Variants in TNRC6B observed in about 807,000 individuals in gnomAD.
The protein encoded by TNRC6B is trinucleotide repeat containing adaptor 6B.
TNRC6B carries 52 observed loss-of-function variants against 203.6 expected under a neutral mutation model. That is an observed-to-expected ratio of 0.26 (90% CI 0.20 to 0.32). The LOEUF is 0.32. Ranked by LOEUF, TNRC6B falls within the 10% of genes least tolerant of loss-of-function variation. The pLI is 1.00. For missense variants in TNRC6B, 1,923 were observed against 2,286.2 expected, an observed-to-expected ratio of 0.84 and a Z score of 3.24; for synonymous variants, 838 against 845.7, an observed-to-expected ratio of 0.99 and a Z score of 0.16.
chr22:40,231,980 G>A (rs1187855754), intron 1 of TNRC6B, among the ~76,000 whole-genome samples: 4 of 152,196 alleles, frequency 2.6e-5, no homozygotes, highest in Non-Finnish European at 5.9e-5. Context: ...ACCCTACAGG[G>A]AATGGGATTC....
chr22:40,279,029 C>T (rs2070690310), intron 9 of TNRC6B, among the ~76,000 whole-genome samples: 1 of 152,372 alleles, frequency 6.6e-6, no homozygotes, highest in South Asian at 2.1e-4. Context: ...GTGTGAACCA[C>T]TGTGCCCAGC....
intron 1 of TNRC6B, among the ~76,000 whole-genome samples, chr22:40,070,257 A>G (rs565248558): frequency 2.6e-5 from 4 of 152,220 alleles, no homozygotes; most frequent in Non-Finnish European, 4.4e-5. Context: ...TAGCTGTTCT[A>G]TTACTTGACT....
chr22:40,251,110 AAGTAGTCTGAAAATAC>A, intron 2 of TNRC6B, 53 bp from the exon 3 acceptor site: 2 of 1,329,958 alleles, frequency 1.5e-6, no homozygotes, highest in Non-Finnish European at 2.1e-6. Context: ...TATCAGACTA[AAGTAGTCTGAAAATAC>A]AGTACTGAAT....
At chr22:40,145,888 G>A (rs548972897) in intron 3 of TNRC6B, among the ~76,000 whole-genome samples, 29 of 152,196 alleles carry the variant, frequency 1.9e-4, no homozygotes, top group Non-Finnish European at 5.9e-5. Context: ...TCTGTATGGA[G>A]CACAGAGTTT....
chr22:40,148,163 T>G (rs554893658), intron 3 of TNRC6B, among the ~76,000 whole-genome samples: 1 of 152,066 alleles, frequency 6.6e-6, no homozygotes, highest in Non-Finnish European at 1.5e-5. Context: ...ATGATTAGAA[T>G]TGGCTAAAAT....
chr22:40,312,375 G>A, intron 17 of TNRC6B, 130 bp from the exon 18 acceptor site: 1 of 995,888 alleles, frequency 1.0e-6, no homozygotes, highest in Non-Finnish European at 1.4e-6. Flanking sequence ...TTAATTTTGT[G>A]ATGAAAATCT....
intron 1 of TNRC6B, among the ~76,000 whole-genome samples, chr22:40,192,396 T>A (rs1056576377): frequency 1.3e-5 from 2 of 152,104 alleles, no homozygotes; most frequent in Admixed American, 6.5e-5. Context: ...GGCGGGTGGA[T>A]CACCTGAGGT....
At chr22:40,191,996 C>G (rs2069280989) in intron 1 of TNRC6B, among the ~76,000 whole-genome samples, 1 of 152,172 alleles carries the variant, frequency 6.6e-6, no homozygotes, top group South Asian at 2.1e-4. Flanking sequence ...AGTGATCCAC[C>G]TGCCTTACAG....
intron 13 of TNRC6B, 31 bp from the exon 14 acceptor site, chr22:40,300,879 T>C: frequency 6.2e-7 from 1 of 1,601,168 alleles, no homozygotes; most frequent in African/African-American, 1.3e-5. Context: ...CAGGAAACTT[T>C]GGTTTTCTGT....
chr22:40,285,522 AATTCTGTT>A, intron 11 of TNRC6B, 115 bp from the exon 12 acceptor site: 3 of 1,205,132 alleles, frequency 2.5e-6, no homozygotes, highest in Non-Finnish European at 3.4e-6. Context: ...TCAGTTACAA[AATTCTGTT>A]ATTCCATCGA....
At chr22:40,282,504 A>G (rs890723731) in intron 11 of TNRC6B, among the ~76,000 whole-genome samples, 4 of 152,166 alleles carry the variant, frequency 2.6e-5, no homozygotes, top group African/African-American at 9.7e-5. Flanking sequence ...TTTATTTTGA[A>G]TCGAGGTATA....
At chr22:40,270,037 G>C (rs1010457129) in intron 5 of TNRC6B, 85 bp from the exon 6 acceptor site, 53 of 1,355,198 alleles carry the variant, frequency 3.9e-5, no homozygotes, top group Non-Finnish European at 5.1e-5. Flanking sequence ...ATATAGGCAT[G>C]CCTGTTCCTT....
chr22:40,086,673 CT>C (rs2068102260), intron 1 of TNRC6B, among the ~76,000 whole-genome samples: 1 of 152,138 alleles, frequency 6.6e-6, no homozygotes, highest in Non-Finnish European at 1.5e-5. Context: ...CAAAAGATGT[CT>C]TCTTTCACCT....
At chr22:40,081,304 C>T (rs868680648) in intron 1 of TNRC6B, among the ~76,000 whole-genome samples, 11 of 124,770 alleles carry the variant, frequency 8.8e-5, no homozygotes, top group Middle Eastern at 3.9e-3. Context: ...TAAGTGTCTG[C>T]GTGTTTTTTT....
chr22:40,163,664 G>A (rs1173839932), intron 4 of TNRC6B, among the ~76,000 whole-genome samples: 1 of 151,672 alleles, frequency 6.6e-6, no homozygotes, highest in African/African-American at 2.4e-5. Flanking sequence ...GGGAGGCTGA[G>A]GCAGGAGAAT....
intron 3 of TNRC6B, among the ~76,000 whole-genome samples, chr22:40,257,703 C>T (rs1343602692): frequency 6.7e-6 from 1 of 148,872 alleles, no homozygotes; most frequent in African/African-American, 2.5e-5. Context: ...GCAACAAGAG[C>T]GAAACTCCGC....
intron 1 of TNRC6B, among the ~76,000 whole-genome samples, chr22:40,059,778 T>A (rs1246788083): frequency 6.6e-6 from 1 of 152,106 alleles, no homozygotes; most frequent in Non-Finnish European, 1.5e-5. Context: ...CAACCCTGGA[T>A]TCCTGGGATA....
intron 9 of TNRC6B, 37 bp downstream of exon 9, chr22:40,278,081 AG>A: frequency 6.6e-7 from 1 of 1,512,792 alleles, no homozygotes; most frequent in Non-Finnish European, 9.0e-7. Flanking sequence ...GGAGTATATC[AG>A]TGTTACAGTG....
intron 1 of TNRC6B, among the ~76,000 whole-genome samples, chr22:40,240,346 C>A (rs959034262): frequency 6.6e-6 from 1 of 152,154 alleles, no homozygotes; most frequent in African/African-American, 2.4e-5. Context: ...ACACATTCGT[C>A]CCCTGCAGAG....
Sources: allele counts gnomAD v4.1 joint callset (sites outside exome capture counted in the v4.1 genomes callset), GRCh38; gene constraint gnomAD v4.1.1; transcripts MANE v1.5; gene names NCBI Gene and HGNC (gene_info 2026-07-23, HGNC 2026-07-21).